THNSL1: variants seen among roughly 807,000 people sequenced by gnomAD.
THNSL1 encodes threonine synthase-like 1.
A neutral mutation model predicts 50.4 loss-of-function variants in THNSL1; 48 were observed. The ratio of observed to expected loss-of-function variants is 0.95; its 90% CI spans 0.76 to 1.21. THNSL1 has a LOEUF of 1.21. THNSL1 is among the 50% of genes most tolerant of loss of function. The pLI is 0.00. For missense variants in THNSL1, 896 were observed against 871.7 expected (o/e 1.03, Z -0.35); for synonymous variants, 309 against 306.1 (o/e 1.01, Z -0.10).
chr10:24,963,208 C>T, the THNSL1 span, among the ~76,000 whole-genome samples: 8 of 152,214 alleles, frequency 5.3e-5, no homozygotes, highest in East Asian at 1.2e-3. Context: ...AAAGCTTAAG[C>T]GATATAGACA....
the THNSL1 span, chr10:24,952,722 C>T: frequency 1.3e-6 from 1 of 772,716 alleles, no homozygotes. The surrounding 1 kb of genome is among the most constrained non-coding windows in gnomAD (Gnocchi z 5.1). Flanking sequence ...CCGGGCCCGC[C>T]GGCGGGAAGC....
At chr10:25,015,651 C>CA (rs140461344), upstream of THNSL1, among the ~76,000 whole-genome samples, 65 of 152,304 alleles carry the variant, frequency 4.3e-4, 1 homozygote, top group East Asian at 0.01. Context: ...GGTCATCTCA[C>CA]AGCGCCAGAC....
chr10:25,016,205 A>C (rs1850568371), upstream of THNSL1: 4 of 1,166,976 alleles, frequency 3.4e-6, no homozygotes, highest in Non-Finnish European at 3.2e-6. Context: ...AGTGGCAGGC[A>C]GCACCGCAAA....
At chr10:24,972,052 C>A in the THNSL1 span, among the ~76,000 whole-genome samples, 2 of 148,866 alleles carry the variant, frequency 1.3e-5, no homozygotes, top group Non-Finnish European at 3.0e-5. Flanking sequence ...ATTAGCTGGG[C>A]GTGGTAGCGG....
At chr10:25,017,395 C>T (rs1473031253) in intron 1 of THNSL1, among the ~76,000 whole-genome samples, 1 of 152,090 alleles carries the variant, frequency 6.6e-6, no homozygotes, top group Non-Finnish European at 1.5e-5. Context: ...CTCTGAACCA[C>T]CGGTACAGAG....
chr10:24,984,087 A>G, the THNSL1 span: 1 of 358,330 alleles, frequency 2.8e-6, no homozygotes, highest in Non-Finnish European at 5.0e-6. Context: ...CTCCTTAATC[A>G]TCCTCAATGA....
chr10:24,974,792 T>C, the THNSL1 span, among the ~76,000 whole-genome samples: 1 of 152,220 alleles, frequency 6.6e-6, no homozygotes, highest in Non-Finnish European at 1.5e-5. Context: ...AACTGCATTT[T>C]ATTCCATAAA....
At chr10:24,977,951 C>T in the THNSL1 span, among the ~76,000 whole-genome samples, 3 of 152,174 alleles carry the variant, frequency 2.0e-5, no homozygotes, top group African/African-American at 7.2e-5. Flanking sequence ...GCTTCACAGA[C>T]ATCACTGACT....
chr10:24,995,085 T>C, the THNSL1 span, among the ~76,000 whole-genome samples: 1 of 152,142 alleles, frequency 6.6e-6, no homozygotes, highest in Non-Finnish European at 1.5e-5. Flanking sequence ...CAGATACAAA[T>C]GAAGGACCCA....
chr10:25,022,259 T>G (rs774015110), intron 2 of THNSL1, among the ~76,000 whole-genome samples: 6 of 152,154 alleles, frequency 3.9e-5, no homozygotes, highest in South Asian at 2.1e-4. Flanking sequence ...TTATAGAGCT[T>G]CTTTGGATGC....
intron 1 of THNSL1, among the ~76,000 whole-genome samples, chr10:25,021,209 A>G (rs962912611): frequency 6.6e-6 from 1 of 152,202 alleles, no homozygotes; most frequent in East Asian, 1.9e-4. Context: ...CTTACTGTAA[A>G]TATTTTGTGC....
At chr10:24,967,932 G>T in the THNSL1 span, among the ~76,000 whole-genome samples, 2 of 149,326 alleles carry the variant, frequency 1.3e-5, no homozygotes, top group Non-Finnish European at 3.0e-5. Context: ...TATGATGTGT[G>T]TGTATATGTG....
rs1266755693 is a variant in THNSL1 at position 25,024,252 on chromosome 10, T to C, written c.1029T>C (p.Phe343=). The C allele has an allele frequency of 3.7e-6, 6 of 1,614,116 alleles. No individual in the cohort carries two copies. The highest frequency in any genetic ancestry group is 1.7e-5 in the Admixed American group (1 of 60,002). The change falls in exon 3 of 3, where the codon TTT becomes TTC. Residue 343 remains phenylalanine, a synonymous_variant. Coordinates refer to ENST00000376356, the MANE Select transcript of THNSL1 (RefSeq NM_024838.5). ...GCAACCAGTTCATCCTGGAGTTGTT[T>C]CATGGACCAACAGGATCATTTAAAG... ...LSGNQFILEL[F]HGPTGSFKDL...
the THNSL1 span, among the ~76,000 whole-genome samples, chr10:24,998,478 G>A: frequency 6.6e-5 from 10 of 151,770 alleles, no homozygotes; most frequent in Middle Eastern, 3.4e-3. Flanking sequence ...GGGCTCAAGC[G>A]ATCCTTCCAC....
the THNSL1 span, among the ~76,000 whole-genome samples, chr10:24,961,629 G>A: frequency 2.8e-4 from 42 of 152,120 alleles, no homozygotes; most frequent in African/African-American, 8.4e-4. Context: ...AGGTTCGAGG[G>A]AAAAGAATAT....
Position 25,023,478 on chromosome 10 carries a change from T to C in THNSL1, c.255T>C (p.Asp85=). 6.2e-7 allele frequency: 1 copy of C among 1,614,132 alleles called. No homozygotes were observed. The highest frequency in any genetic ancestry group is 1.1e-5 in the South Asian group (1 of 91,080). The part of the protein sequence containing the change: ...IGQKLGCCVI[D]VDDDILEKTW... Reference sequence around the variant, plus strand: ...AGAAACTAGGTTGTTGTGTCATAGATGTGGATGATGATATCCTTGAAAAAA... The same window carrying C: ...AGAAACTAGGTTGTTGTGTCATAGACGTGGATGATGATATCCTTGAAAAAA... The change falls in exon 3 of 3, where the codon GAT becomes GAC. Residue 85 remains aspartate, a synonymous_variant. Transcript: ENST00000376356.
chr10:25,019,997 A>G (rs1850685478), intron 1 of THNSL1, among the ~76,000 whole-genome samples: 1 of 152,188 alleles, frequency 6.6e-6, no homozygotes, highest in Non-Finnish European at 1.5e-5. Flanking sequence ...CAAAAAAGAA[A>G]TGAGGATGTC....
chr10:25,010,465 T>C, the THNSL1 span, among the ~76,000 whole-genome samples: 2 of 151,654 alleles, frequency 1.3e-5, no homozygotes, highest in African/African-American at 4.8e-5. Context: ...TTATTATACT[T>C]TAAGTTTTAG....
the THNSL1 span, among the ~76,000 whole-genome samples, chr10:24,992,172 A>G: frequency 6.6e-6 from 1 of 152,268 alleles, no homozygotes; most frequent in African/African-American, 2.4e-5. Flanking sequence ...ACTTGGTGCT[A>G]GGAATACTAG....
Sources: gnomAD v4.1 joint callset for allele counts (sites outside exome capture counted in the v4.1 genomes callset) on GRCh38, gnomAD v4.1.1 for gene constraint, Gnocchi (gnomAD v3.1) non-coding constraint, MANE v1.5 for transcripts, NCBI Gene and HGNC (gene_info 2026-07-23, HGNC 2026-07-21) for gene names.